C1orf52: variants seen among roughly 807,000 people sequenced by gnomAD.
The protein encoded by C1orf52 is UPF0690 protein C1orf52.
In C1orf52, 5 loss-of-function variants were observed where a neutral mutation model predicts 17.2. The ratio of observed to expected loss-of-function variants is 0.29; its 90% CI spans 0.15 to 0.61. The LOEUF is 0.61. Ranked by LOEUF, C1orf52 falls within the 20% of genes least tolerant of loss-of-function variation. C1orf52 has a pLI of 0.85. For missense variants in C1orf52, 245 were observed against 234.1 expected, an observed-to-expected ratio of 1.05 and a Z score of -0.30; for synonymous variants, 110 against 88.0, an observed-to-expected ratio of 1.25 and a Z score of -1.40.
chr1:85,252,656 T>C lies in C1orf52; in HGVS notation c.522A>G (p.Pro174=). ...EHTSKKRKVE[P]GEPAKKKK ...ACTTTTTCTTCTTTGCTGGTTCTCC[T>C]GGCTCTACTTTGCGCTTTTTAGAAG... The change falls in exon 3 of 3, where the codon CCA becomes CCG. Residue 174 remains proline (P), a synonymous_variant. Transcript: ENST00000471115. 1 of 1,613,650 alleles carries C rather than the reference T, an allele frequency of 6.2e-7. No individual in the cohort carries two copies. Among genetic ancestry groups the C allele is most frequent in the Non-Finnish European group, 8.5e-7 (1 of 1,179,722 alleles).
At chr1:85,256,443 CTCTA>C (rs1480869567) in intron 2 of C1orf52, among the ~76,000 whole-genome samples, 6 of 152,216 alleles carry the variant, frequency 3.9e-5, no homozygotes, top group Admixed American at 1.3e-4. Context: ...TTCCACATTT[CTCTA>C]TCTTATTTCA....
intron 2 of C1orf52, chr1:85,257,605 C>T (rs1659976049): frequency 1.6e-6 from 1 of 643,920 alleles, no homozygotes; most frequent in South Asian, 1.9e-5. Flanking sequence ...AAACTCAACA[C>T]TAGCTGCAGT....
intron 2 of C1orf52, among the ~76,000 whole-genome samples, chr1:85,254,833 T>G (rs1043875830): frequency 3.3e-5 from 5 of 152,262 alleles, no homozygotes; most frequent in African/African-American, 1.2e-4. Flanking sequence ...GAGATATTTT[T>G]GCTTTTAATT....
Position 85,258,504 on chromosome 1 carries a change from C to T in C1orf52, c.475+20G>A, listed in dbSNP as rs1378706245. On this transcript the variant is annotated intron_variant, in intron 2 of 2. Coordinates refer to ENST00000471115, the MANE Select transcript of C1orf52 (RefSeq NM_198077.4). ...CACGGGGATCAAAATAGACCACCATCGGATTCTGACTTTCCTTACCTGATT... is the reference window on the plus strand; with the variant it reads ...CACGGGGATCAAAATAGACCACCATTGGATTCTGACTTTCCTTACCTGATT... 3.1e-6 allele frequency: 5 copies of T among 1,597,088 alleles called. No individual in the cohort carries two copies. The highest frequency in any genetic ancestry group is 4.3e-6 in the Non-Finnish European group (5 of 1,169,002).
intron 2 of C1orf52, among the ~76,000 whole-genome samples, chr1:85,254,010 T>C (rs1178181822): frequency 6.6e-6 from 1 of 152,228 alleles, no homozygotes; most frequent in Non-Finnish European, 1.5e-5. Context: ...AATATCTTGA[T>C]ATTGAAAGGA....
intron 2 of C1orf52, among the ~76,000 whole-genome samples, chr1:85,256,814 A>AAAAAAAAAAAAG (rs1553178011): frequency 6.5e-5 from 7 of 108,180 alleles, no homozygotes; most frequent in Non-Finnish European, 7.3e-5. Context: ...AAAAAAAAAA[A>AAAAAAAAAAAAG]AAAAGAAAAG....
intron 2 of C1orf52, among the ~76,000 whole-genome samples, chr1:85,255,519 C>G (rs1659914341): frequency 6.6e-6 from 1 of 150,798 alleles, no homozygotes; most frequent in Non-Finnish European, 1.5e-5. Context: ...CACTGCACTC[C>G]AGCCTGGGCG....
chr1:85,259,006 T>C, intron 1 of C1orf52: 1 of 1,350,700 alleles, frequency 7.4e-7, no homozygotes, highest in Non-Finnish European at 9.5e-7. Context: ...AGACACTGTC[T>C]TGGAGGCAGC....
intron 1 of C1orf52, chr1:85,259,112 G>A (rs914578547): frequency 9.7e-6 from 13 of 1,343,762 alleles, no homozygotes; most frequent in African/African-American, 1.5e-5. Flanking sequence ...CGCCGCGCGG[G>A]GTCGGGGCAC....
In C1orf52 at chr1:85,259,427, C is replaced by G. The variant is rs1350718898; in HGVS notation, c.207G>C (p.Pro69=). The G allele has an allele frequency of 1.2e-6, 2 of 1,614,026 alleles. No homozygotes were observed. Among genetic ancestry groups the G allele is most frequent in the African/African-American group, 1.3e-5 (1 of 75,020 alleles). ...PDELFRSVTR[P]AFLYNPLNKQ... is the part of the protein sequence containing the mutation. ...TGTTGAGCGGATTGTAGAGAAAGGC[C>G]GGGCGAGTCACGCTCCTAAACAGCT... The change falls in exon 1 of 3, where the codon CCG becomes CCC. Residue 69 remains proline, a synonymous_variant. Coordinates refer to ENST00000471115, the MANE Select transcript of C1orf52 (RefSeq NM_198077.4).
At chr1:85,253,131 A>G (rs955138329) in intron 2 of C1orf52, among the ~76,000 whole-genome samples, 3 of 152,176 alleles carry the variant, frequency 2.0e-5, no homozygotes, top group East Asian at 3.8e-4. Flanking sequence ...AGCAGAAAAG[A>G]AGGATGATGA....
rs1196273902 is a variant in C1orf52 at position 85,251,362 on chromosome 1, A to G, written c.*1267T>C. On this transcript the variant is annotated 3_prime_UTR_variant, in exon 3 of 3. Transcript: ENST00000471115. ...CACCATGCTTGGCTGTCTTGTTCTT[A>G]TACACTGAATGTGCACTGTTCTGTA... 6.6e-6 allele frequency: 1 copy of G among 152,146 alleles called. No homozygotes were observed. The highest frequency in any genetic ancestry group is 2.4e-5 in the African/African-American group (1 of 41,442). 9.4% of individuals were successfully genotyped at this position (152,146 alleles called of 1,614,324 possible). A position where few individuals can be genotyped will look rare whatever the true frequency, so the allele number is the denominator to read the frequency against.
chr1:85,259,114 T>C (rs1660023287), intron 1 of C1orf52: 1 of 1,284,762 alleles, frequency 7.8e-7, no homozygotes, highest in Non-Finnish European at 1.0e-6. Flanking sequence ...CCGCGCGGGG[T>C]CGGGGCACCG....
In C1orf52 at chr1:85,251,431, C is replaced by A. The variant is rs893197930; in HGVS notation, c.*1198G>T. On this transcript the variant is annotated 3_prime_UTR_variant, in exon 3 of 3. Transcript: ENST00000471115. ...CTTCAGATTCATGGAAAGATTGATGCAGAGTGTAACCTTTTTATTGTTCAA... is the reference window on the plus strand; with the variant it reads ...CTTCAGATTCATGGAAAGATTGATGAAGAGTGTAACCTTTTTATTGTTCAA... 4 of 152,174 alleles carry A rather than the reference C, an allele frequency of 2.6e-5. No individual in the cohort carries two copies. The highest frequency in any genetic ancestry group is 6.5e-5 in the Admixed American group (1 of 15,280). The allele number at this position is 152,174 out of a possible 1,614,324, so 9.4% of individuals were successfully genotyped here.
chr1:85,250,619 C>T lies in C1orf52; in HGVS notation c.*2010G>A, dbSNP rs1294239917. 1 of 152,228 alleles carries T rather than the reference C, an allele frequency of 6.6e-6. No individual in the cohort carries two copies. Among genetic ancestry groups the T allele is most frequent in the Non-Finnish European group, 1.5e-5 (1 of 68,036 alleles). 9.4% of individuals were successfully genotyped at this position (152,228 alleles called of 1,614,324 possible). On this transcript the variant is annotated 3_prime_UTR_variant, in exon 3 of 3. Coordinates refer to ENST00000471115, the MANE Select transcript of C1orf52 (RefSeq NM_198077.4). ...CTTCCCTAAGTCCTGTCTTCCTCCT[C>T]ATACAACATACTCTGCACATCTCCC...
At chr1:85,259,115 C>CGGGGCACCGAGCGCGGAGGTTT (rs1458710140) in intron 1 of C1orf52, 10 of 1,319,612 alleles carry the variant, frequency 7.6e-6, no homozygotes, top group Admixed American at 3.1e-5. Context: ...CGCGCGGGGT[C>CGGGGCACCGAGCGCGGAGGTTT]GGGGCACCGA....
At position 85,251,651 on chromosome 1, in the gene C1orf52, G is replaced by A. The variant is rs1659805201; in HGVS notation, c.*978C>T. ...TAAACACATTTTTTGTATATGTCCT[G>A]AATATTAAATATACTAAAACATTAT... is the stretch of plus-strand genomic sequence containing the variant. On this transcript the variant is annotated 3_prime_UTR_variant, in exon 3 of 3. Transcript: ENST00000471115. 1 of 152,082 alleles carries A rather than the reference G, an allele frequency of 6.6e-6. No homozygotes were observed. The highest frequency in any genetic ancestry group is 1.5e-5 in the Non-Finnish European group (1 of 68,020). The allele number at this position is 152,082 out of a possible 1,614,324, so 9.4% of individuals were successfully genotyped here. A position where few individuals can be genotyped will look rare whatever the true frequency, so the allele number is the denominator to read the frequency against.
At chr1:85,258,801 C>A in intron 1 of C1orf52, 79 bp from the exon 2 acceptor site, 1 of 1,424,662 alleles carries the variant, frequency 7.0e-7, no homozygotes, top group South Asian at 1.4e-5. Context: ...AACTCCCTGC[C>A]GTTCGCTTAT....
rs1178273871 is a variant in C1orf52, at chr1:85,251,006, CGAT to C, written c.*1620_*1622del. 6.6e-6 allele frequency: 1 copy of C among 152,120 alleles called. No homozygotes were observed. Among genetic ancestry groups the C allele is most frequent in the African/African-American group, 2.4e-5 (1 of 41,418 alleles). The allele number at this position is 152,120 out of a possible 1,614,324, so 9.4% of individuals were successfully genotyped here. ...GCTATAGAATTGGTTTTTCTAAACT[CGAT>C]GATATACTGGAAGCCATCATGCTGT... On this transcript the variant is annotated 3_prime_UTR_variant, in exon 3 of 3. Transcript: ENST00000471115.
Sources: gnomAD v4.1 joint callset for allele counts (sites outside exome capture counted in the v4.1 genomes callset) on GRCh38, gnomAD v4.1.1 for gene constraint, MANE v1.5 for transcripts, NCBI Gene and HGNC (gene_info 2026-07-23, HGNC 2026-07-21) for gene names.